TPRG1: variants seen among roughly 807,000 people sequenced by gnomAD.
TPRG1 encodes the protein tumor protein p63-regulated gene 1 protein.
Under a neutral mutation model 29.3 loss-of-function variants are expected in TPRG1, and 29 were observed. The ratio of observed to expected loss-of-function variants is 0.99; its 90% confidence interval spans 0.74 to 1.35. The LOEUF is 1.35. Ranked by LOEUF, TPRG1 falls within the 40% of genes most tolerant of loss-of-function variation. TPRG1 has a pLI of 0.00. For missense variants in TPRG1, 327 were observed against 335.0 expected (o/e 0.98, Z 0.19); for synonymous variants, 130 against 116.8 (o/e 1.11, Z -0.73).
chr3:189,158,537 A>T (rs1349885456), intron 5 of TPRG1, among the ~76,000 whole-genome samples: 3 of 152,102 alleles, frequency 2.0e-5, no homozygotes, highest in Non-Finnish European at 4.4e-5. Flanking sequence ...GGAACCCGGG[A>T]GGCTGAGGCT....
At chr3:189,099,677 C>T (rs779203009), upstream of TPRG1, among the ~76,000 whole-genome samples, 9 of 152,056 alleles carry the variant, frequency 5.9e-5, no homozygotes, top group Non-Finnish European at 1.2e-4. Flanking sequence ...TACAGCCCCG[C>T]CGGTAGCTCA....
intron 4 of TPRG1, among the ~76,000 whole-genome samples, chr3:189,047,079 G>T (rs73048763): frequency 0.027 from 4,143 of 152,220 alleles, 169 homozygotes; most frequent in African/African-American, 0.094. Flanking sequence ...TTTCTTGAAG[G>T]CCAAGTAGAT....
intron 3 of TPRG1, 88 bp from the exon 4 acceptor site, chr3:189,238,643 ACT>A (rs1739955830): frequency 1.8e-6 from 2 of 1,133,194 alleles, no homozygotes; most frequent in African/African-American, 3.1e-5. Flanking sequence ...ATCAAACTTC[ACT>A]GTTTTCTGTG....
At chr3:189,136,544 A>G (rs1268803092) in intron 3 of TPRG1, among the ~76,000 whole-genome samples, 2 of 152,168 alleles carry the variant, frequency 1.3e-5, no homozygotes, top group East Asian at 3.9e-4. Context: ...GGCTTGCTAA[A>G]GACTCCTGGC....
chr3:189,025,140 G>A (rs1245515096), intron 4 of TPRG1, among the ~76,000 whole-genome samples: 2 of 152,190 alleles, frequency 1.3e-5, no homozygotes, highest in African/African-American at 4.8e-5. Context: ...TAAAGCTCCT[G>A]GGTCTCTGTA....
chr3:189,295,349 A>C (rs1719717326), intron 4 of TPRG1, among the ~76,000 whole-genome samples: 1 of 152,102 alleles, frequency 6.6e-6, no homozygotes, highest in Non-Finnish European at 1.5e-5. Context: ...AGCTCAGTAC[A>C]CATTTGTGGA....
At chr3:189,088,097 A>G (rs1236459942) in intron 4 of TPRG1, among the ~76,000 whole-genome samples, 2 of 152,186 alleles carry the variant, frequency 1.3e-5, no homozygotes, top group Non-Finnish European at 2.9e-5. Context: ...CTTTGGCAGT[A>G]TGGCCATTTT....
intron 4 of TPRG1, among the ~76,000 whole-genome samples, chr3:189,084,241 T>C (rs1214995597): frequency 6.6e-6 from 1 of 152,224 alleles, no homozygotes; most frequent in African/African-American, 2.4e-5. Context: ...TATTATAAAT[T>C]AGATATTCTA....
chr3:189,086,170 A>T (rs1717921390), intron 4 of TPRG1, among the ~76,000 whole-genome samples: 1 of 152,098 alleles, frequency 6.6e-6, no homozygotes, highest in Admixed American at 6.5e-5. Context: ...CTGAAGAACT[A>T]GGAGTCTGAT....
intron 5 of TPRG1, among the ~76,000 whole-genome samples, chr3:189,165,205 C>T (rs1255516163): frequency 6.6e-6 from 1 of 151,954 alleles, no homozygotes; most frequent in Non-Finnish European, 1.5e-5. Context: ...ATGAAAGAAT[C>T]GTGGGTCATT....
intron 2 of TPRG1, chr3:189,132,347 G>T (rs771113838): frequency 6.6e-6 from 1 of 152,188 alleles, no homozygotes; most frequent in African/African-American, 2.4e-5. Flanking sequence ...CTATTCCTGG[G>T]CGTTAGCTGA....
intron 4 of TPRG1, among the ~76,000 whole-genome samples, chr3:189,042,654 C>T (rs1034228071): frequency 2.6e-5 from 4 of 151,832 alleles, no homozygotes; most frequent in Non-Finnish European, 1.5e-5. Context: ...TATATTGTAT[C>T]TCAGCTGCTT....
chr3:189,282,455 G>A (rs994208017), intron 4 of TPRG1, among the ~76,000 whole-genome samples: 1 of 152,050 alleles, frequency 6.6e-6, no homozygotes, highest in African/African-American at 2.4e-5. Flanking sequence ...GGTATTAAAC[G>A]TGTATTTTGT....
chr3:189,233,591 G>A (rs16864128), intron 3 of TPRG1, among the ~76,000 whole-genome samples: 4,153 of 152,200 alleles, frequency 0.027, 67 homozygotes, highest in South Asian at 0.049. Flanking sequence ...AGACTCCTTC[G>A]CCAGGGAAGA....
intron 4 of TPRG1, among the ~76,000 whole-genome samples, chr3:189,289,440 G>A (rs543131287): frequency 6.9e-6 from 1 of 145,714 alleles, no homozygotes; most frequent in Admixed American, 6.8e-5. Flanking sequence ...TGATTTTGAT[G>A]TTTTCCTGAC....
At chr3:189,002,963 T>C (rs1176379495) in intron 2 of TPRG1, among the ~76,000 whole-genome samples, 3 of 152,210 alleles carry the variant, frequency 2.0e-5, no homozygotes, top group African/African-American at 7.2e-5. Context: ...CACACCTAGC[T>C]TATATATAGT....
chr3:189,040,040 A>T (rs147292077), intron 4 of TPRG1, among the ~76,000 whole-genome samples: 403 of 152,256 alleles, frequency 2.6e-3, no homozygotes, highest in African/African-American at 9.1e-3. Context: ...TAAGGGAGTT[A>T]TGTAAGCTCT....
chr3:189,275,257 G>A (rs909105849), intron 4 of TPRG1, among the ~76,000 whole-genome samples: 15 of 152,140 alleles, frequency 9.9e-5, no homozygotes, highest in African/African-American at 3.6e-4. Flanking sequence ...CAATGAGCAT[G>A]AATATGTGTA....
intron 3 of TPRG1, among the ~76,000 whole-genome samples, chr3:189,226,134 C>G (rs1326627229): frequency 2.6e-5 from 4 of 152,230 alleles, no homozygotes; most frequent in African/African-American, 9.6e-5. Flanking sequence ...GAAAACTCAA[C>G]ACCATCAATC....
Sources: allele counts gnomAD v4.1 joint callset (sites outside exome capture counted in the v4.1 genomes callset), GRCh38; gene constraint gnomAD v4.1.1; transcripts MANE v1.5; gene names NCBI Gene and HGNC (gene_info 2026-07-23, HGNC 2026-07-21).